The following PKD1 variants were observed in gnomAD, a reference collection of about 807,000 sequenced individuals.
The protein encoded by PKD1 is polycystin-1.
PKD1 carries 81 observed loss-of-function variants against 361.7 expected under a neutral mutation model. That is an observed-to-expected ratio of 0.22 (90% CI 0.19 to 0.27). PKD1 has a LOEUF of 0.27. PKD1 is among the 10% of genes least tolerant of loss of function. The pLI, the probability that PKD1 is intolerant of heterozygous loss-of-function variation, is 1.00. For missense variants in PKD1, 6,399 were observed against 6,118.3 expected, an observed-to-expected ratio of 1.05 and a Z score of -1.53; for synonymous variants, 3,615 against 2,818.3, an observed-to-expected ratio of 1.28 and a Z score of -8.95.
chr16:2,103,476 T>C lies in PKD1; in HGVS notation c.8581A>G (p.Ile2861Val), dbSNP rs2092188470. 1 of 1,601,296 alleles carries C rather than the reference T, an allele frequency of 6.2e-7. No individual in the cohort carries two copies. The highest frequency in any genetic ancestry group is 8.5e-7 in the Non-Finnish European group (1 of 1,179,656). Residue 2861 changes from isoleucine to valine, a missense_variant, in exon 23 of 46, where the codon ATC (isoleucine) becomes GTC (valine). Physicochemically the swap from Ile to Val is conservative, Grantham distance 29. Transcript: ENST00000262304. ...MAFQTQAGAQ[I>V]PIERLASERA... is the part of the protein sequence containing the mutation. ...TCTGAGGCCAGCCGCTCGATGGGGA[T>C]CTGGGCGCCGGCCTGTGTCTGGAAT...
At position 2,089,833 on chromosome 16, in the gene PKD1, G is replaced by C; in HGVS notation, c.12806C>G (p.Ala4269Gly). ...GGCCCGGGCAAGGCGGCTGGGCAGT[G>C]CTGGCCGCAGGCCCGGGGATGGGCC... Reference protein sequence around the residue: ...SRGPSPGLRPALPSRLARASR... With the variant: ...SRGPSPGLRPGLPSRLARASR... Residue 4269 changes from alanine to glycine, a missense_variant, in exon 46 of 46, where the codon GCA becomes GGA. Physicochemically the swap from Ala to Gly is moderately conservative, Grantham distance 60. Coordinates refer to ENST00000262304, the MANE Select transcript of PKD1 (RefSeq NM_001009944.3). 6.2e-7 allele frequency: 1 copy of C among 1,604,320 alleles called. No individual in the cohort carries two copies. The highest frequency in any genetic ancestry group is 1.3e-5 in the African/African-American group (1 of 74,962).
chr16:2,121,043 AAG>A (rs2092712191), intron 1 of PKD1, among the ~76,000 whole-genome samples: 1 of 151,838 alleles, frequency 6.6e-6, no homozygotes, highest in Non-Finnish European at 1.5e-5. Flanking sequence ...AAAGAAAAGA[AAG>A]AAAGGGAGGA....
At chr16:2,098,433 A>T (rs1433419890) in intron 30 of PKD1, among the ~76,000 whole-genome samples, 7 of 145,152 alleles carry the variant, frequency 4.8e-5, no homozygotes, top group African/African-American at 1.8e-4. Flanking sequence ...TGGTCTTGGA[A>T]CTCCTGACCT....
At position 2,090,825 on chromosome 16, in the gene PKD1, T is replaced by C. The variant is rs749829518; in HGVS notation, c.12004-17A>G. On this transcript the variant is annotated splice_polypyrimidine_tract_variant and intron_variant, in intron 43 of 45. Coordinates refer to ENST00000262304, the MANE Select transcript of PKD1 (RefSeq NM_001009944.3). The stretch of plus-strand genomic sequence containing the variant: ...CTGGGCAGCCTGCGGACGAGAAATC[T>C]GTCTGCTTGCAGCCCTGGGGTGTGC... 1.1e-4 allele frequency: 181 copies of C among 1,611,902 alleles called. 5 individuals are homozygous for C. In the Middle Eastern group the frequency reaches 1.3e-3, roughly 12 times the overall value.
At chr16:2,092,266 C>G in intron 39 of PKD1, 78 bp from the exon 40 acceptor site, 1 of 1,484,136 alleles carries the variant, frequency 6.7e-7, no homozygotes, top group Non-Finnish European at 9.1e-7. Flanking sequence ...GGCCAGCTCG[C>G]CTGAGCTCTG....
In PKD1 at chr16:2,121,926, C is replaced by A. The variant is rs191563652; in HGVS notation, c.216-2548G>T. ...GACCACCCGGCAGCCAGCCCCAAGC[C>A]GGGGCGGCCTCCATCCCTGAACACC... On this transcript the variant is annotated intron_variant, in intron 1 of 45. Transcript: ENST00000262304. 3.6e-3 allele frequency among the ~76,000 whole-genome samples: 544 copies of A among 152,348 alleles called. 3 individuals carry two copies. Among genetic ancestry groups the A allele is most frequent in the African/African-American group, 0.012 (514 of 41,584 alleles).
chr16:2,102,880 C>A lies in PKD1; in HGVS notation c.8882G>T (p.Arg2961Met), dbSNP rs764689120. Residue 2961 changes from arginine to methionine, a missense_variant, in exon 24 of 46, where the codon AGG becomes ATG. Physicochemically the swap from Arg to Met is moderately conservative, Grantham distance 91 (BLOSUM62 -1). Coordinates refer to ENST00000262304, the MANE Select transcript of PKD1 (RefSeq NM_001009944.3). ...CTGGAGTGACTCTGGGCGGATCCTC[C>A]TGCTAGCCGAGCAGTTGTGCTCATT... ...RPNEHNCSAS[R>M]RIRPESLQGA... 6.2e-7 allele frequency: 1 copy of A among 1,610,220 alleles called. No individual in the cohort carries two copies. Among genetic ancestry groups the A allele is most frequent in the Admixed American group, 1.7e-5 (1 of 60,004 alleles).
rs960359165 is a variant in PKD1, at chr16:2,088,795, A to G, written c.*932T>C. On this transcript the variant is annotated 3_prime_UTR_variant, in exon 46 of 46. Transcript: ENST00000262304. ...AGGCTCTAGAAGCGGCCATGCCCAC[A>G]GAAGTGGTACACAGAAGCAGGCACA... 8 of 801,244 alleles carry G rather than the reference A, an allele frequency of 1.0e-5. No homozygotes were observed. In the African/African-American group the frequency reaches 1.2e-4, roughly 12 times the overall value. 49.6% of individuals were successfully genotyped at this position (801,244 alleles called of 1,614,324 possible). A position where few individuals can be genotyped will look rare whatever the true frequency, so the allele number is the denominator to read the frequency against.
At chr16:2,092,451 A>T in intron 39 of PKD1, 29 bp downstream of exon 39, 1 of 1,433,646 alleles carries the variant, frequency 7.0e-7, no homozygotes, top group Non-Finnish European at 9.8e-7. Context: ...GGAACGATTT[A>T]AGTCTTGGGG....
In PKD1 at chr16:2,112,350, G is replaced by A. The variant is rs558648661; in HGVS notation, c.3285C>T (p.Tyr1095=). Residue 1095 remains tyrosine, a synonymous_variant, in exon 14 of 46, where the codon TAC becomes TAT. Coordinates refer to ENST00000262304, the MANE Select transcript of PKD1 (RefSeq NM_001009944.3). ...CCCCTCATCCCTCACCTGGGGCAGC[G>A]TAGGTGTGCATGACATTGTGCTCCA... ...VLVEHNVMHT[Y]AAPGEYLLTV... is the part of the protein sequence containing the mutation. The A allele has an allele frequency of 2.0e-5, 31 of 1,587,440 alleles. No individual in the cohort carries two copies. The African/African-American group carries it at 3.4e-4, about 17-fold the overall frequency.
In PKD1 at chr16:2,118,743, C is replaced by T. The variant is rs1273285764; in HGVS notation, c.462G>A (p.Thr154=). 45 of 1,463,882 alleles carry T rather than the reference C, an allele frequency of 3.1e-5. No homozygotes were observed. In the Admixed American group the frequency reaches 6.5e-4, roughly 21 times the overall value. 90.7% of individuals were successfully genotyped at this position (1,463,882 alleles called of 1,614,324 possible). The part of the protein sequence containing the change: ...QVRVVQPEAA[T]CAGPGSLAGQ... ...CAGCCAGGGAGCCAGGCCCAGCACA[C>T]GTGGCTGCCTCGGGCTGCACCACCC... Residue 154 remains threonine, a synonymous_variant, in exon 4 of 46, where the codon ACG becomes ACA. Coordinates refer to ENST00000262304, the MANE Select transcript of PKD1 (RefSeq NM_001009944.3). The surrounding 1 kb of genome is among the most constrained non-coding windows in gnomAD (Gnocchi z 6.0).
chr16:2,123,427 G>A (rs1163064528), intron 1 of PKD1: 4 of 456,162 alleles, frequency 8.8e-6, no homozygotes, highest in South Asian at 1.5e-5. Context: ...GGGCTTCAGG[G>A]ACAGGGAACA....
rs1443042809 is a variant in PKD1 at position 2,091,824 on chromosome 16, C to T, written c.11494G>A (p.Asp3832Asn). 1 of 1,610,156 alleles carries T rather than the reference C, an allele frequency of 6.2e-7. No individual in the cohort carries two copies. The highest frequency in any genetic ancestry group is 8.5e-7 in the Non-Finnish European group (1 of 1,179,136). ...ELGLSLEESRDRLRFLQLHNW... is the reference protein window; with the variant it reads ...ELGLSLEESRNRLRFLQLHNW... ...TGCAGCTGCAGGAAGCGCAGCCGGT[C>T]GCGGCTCTCCTCCAGGCTCAGGCCC... The change falls in exon 41 of 46, where the codon GAC (aspartate) becomes AAC (asparagine). Residue 3832 changes from aspartate to asparagine, a missense_variant. Physicochemically the swap from Asp to Asn is conservative, Grantham distance 23. Transcript: ENST00000262304.
rs772082318 is a variant in PKD1, at chr16:2,110,105, G to A, written c.5062C>T (p.Leu1688Phe). ...TGCACATGGTAGGTGCCGGCCTCGA[G>A]CACGGTGAGCGAGAAGCCTTTGCCG... The part of the protein sequence containing the change: ...GSGKGFSLTV[L>F]EAGTYHVQLR... Residue 1688 changes from leucine to phenylalanine, a missense_variant, in exon 15 of 46, where the codon CTC becomes TTC. By Grantham distance (22) the Leu-to-Phe change is conservative. Transcript: ENST00000262304. The A allele has an allele frequency of 2.5e-6, 4 of 1,609,684 alleles. No homozygotes were observed. Among genetic ancestry groups the A allele is most frequent in the Non-Finnish European group, 3.4e-6 (4 of 1,179,424 alleles).
chr16:2,114,083 T>C, intron 11 of PKD1, 87 bp downstream of exon 11: 1 of 1,137,436 alleles, frequency 8.8e-7, no homozygotes, highest in Non-Finnish European at 1.3e-6. Context: ...CTGCCCTCAC[T>C]GGGAAGCCAG....
Position 2,108,036 on chromosome 16 carries a change from C to T in PKD1, c.6916-4G>A. 1.3e-6 allele frequency: 2 copies of T among 1,559,652 alleles called. No individual in the cohort carries two copies. The highest frequency in any genetic ancestry group is 2.7e-5 in the African/African-American group (2 of 73,752). On this transcript the variant is annotated splice_polypyrimidine_tract_variant and splice_region_variant and intron_variant, in intron 15 of 45. Transcript: ENST00000262304. ...GCGCACACCCGCCAGCCTCCCTCTGCAGGCCGAGAACAAGGGGCGACGTGG... is the reference window on the plus strand; with the variant it reads ...GCGCACACCCGCCAGCCTCCCTCTGTAGGCCGAGAACAAGGGGCGACGTGG...
chr16:2,102,633 C>G lies in PKD1; in HGVS notation c.8949G>C (p.Gly2983=). ...HRPYTFFISP[G]SRDPAGSYHL... is the part of the protein sequence containing the mutation. The stretch of plus-strand genomic sequence containing the variant: ...GGTAACTCCCCGCTGGGTCTCTGCT[C>G]CTGGGCAGGGAAGGGGTAGCGGACG... Residue 2983 remains glycine, a splice_region_variant and synonymous_variant, in exon 25 of 46, where the codon GGG becomes GGC. Coordinates refer to ENST00000262304, the MANE Select transcript of PKD1 (RefSeq NM_001009944.3). The G allele has an allele frequency of 6.2e-7, 1 of 1,610,974 alleles. No individual in the cohort carries two copies. The highest frequency in any genetic ancestry group is 2.1e-4 in the Middle Eastern group (1 of 4,750).
In PKD1 at chr16:2,114,828, G is replaced by C; in HGVS notation, c.2195C>G (p.Ala732Gly). The change falls in exon 11 of 46, where the codon GCT becomes GGT. Residue 732 changes from alanine (A) to glycine (G), a missense_variant. Physicochemically the swap from Ala to Gly is moderately conservative, Grantham distance 60. Transcript: ENST00000262304. ...GGCCCGGGGACCAGGGTGGCCGGGA[G>C]CCGGCGAGCAGTGCAGGAGGGCGCC... The part of the protein sequence containing the change: ...GPGALLHCSP[A>G]PGHPGPRAPY... 7.7e-7 allele frequency: 1 copy of C among 1,302,052 alleles called. No individual in the cohort carries two copies. Among genetic ancestry groups the C allele is most frequent in the Non-Finnish European group, 1.1e-6 (1 of 936,604 alleles). The allele number at this position is 1,302,052 out of a possible 1,614,324, so 80.7% of individuals were successfully genotyped here.
At chr16:2,129,751 C>G (rs2092845849) in intron 1 of PKD1, among the ~76,000 whole-genome samples, 1 of 150,768 alleles carries the variant, frequency 6.6e-6, no homozygotes, top group African/African-American at 2.4e-5. Context: ...GGGTCTCACC[C>G]TGTTGCCCAG....
Sources: gnomAD v4.1 joint callset for allele counts (sites outside exome capture counted in the v4.1 genomes callset) on GRCh38, gnomAD v4.1.1 for gene constraint, Gnocchi (gnomAD v3.1) non-coding constraint, MANE v1.5 for transcripts, NCBI Gene and HGNC (gene_info 2026-07-23, HGNC 2026-07-21) for gene names.